Variants in CLVS1 observed in about 807,000 individuals in gnomAD.
CLVS1 encodes clavesin 1.
A neutral mutation model predicts 33.1 loss-of-function variants in CLVS1; 10 were observed. The ratio of observed to expected loss-of-function variants is 0.30; its 90% CI spans 0.19 to 0.51. The LOEUF (loss-of-function observed/expected upper bound fraction) is 0.51, where lower values mean the gene tolerates loss of function less well. Among genes scored for constraint, CLVS1 ranks in the 20% least tolerant of loss-of-function variants. The probability of loss-of-function intolerance (pLI) is 0.97; values close to 1 mark genes in which losing one functional copy is unlikely to be tolerated. For synonymous variants in CLVS1, 163 were observed against 166.1 expected (o/e 0.98, Z 0.14); for missense variants, 343 against 433.4 (o/e 0.79, Z 1.85).
chr8:61,176,771 G>A (rs1205742526), intron 2 of CLVS1, among the ~76,000 whole-genome samples: 1 of 152,278 alleles, frequency 6.6e-6, no homozygotes, highest in East Asian at 1.9e-4. Context: ...GAGGTGATAA[G>A]TTAGCTTGCT....
At chr8:61,289,267 C>G (rs1809889150) in intron 1 of CLVS1, among the ~76,000 whole-genome samples, 1 of 152,200 alleles carries the variant, frequency 6.6e-6, no homozygotes, top group Non-Finnish European at 1.5e-5. Context: ...TTATGTAACT[C>G]CATTCTGCCA....
intron 1 of CLVS1, among the ~76,000 whole-genome samples, chr8:61,075,271 A>T (rs554581729): frequency 6.6e-6 from 1 of 152,280 alleles, no homozygotes; most frequent in South Asian, 2.1e-4. Flanking sequence ...TTCTCCCCAG[A>T]GGCCATTCAT....
intron 2 of CLVS1, among the ~76,000 whole-genome samples, chr8:61,326,021 T>C (rs1811370622): frequency 6.6e-6 from 1 of 152,196 alleles, no homozygotes; most frequent in Admixed American, 6.6e-5. Context: ...TACCACCACT[T>C]CATGACACGA....
At chr8:61,421,895 G>C (rs997326550) in intron 3 of CLVS1, among the ~76,000 whole-genome samples, 1 of 152,128 alleles carries the variant, frequency 6.6e-6, no homozygotes, top group African/African-American at 2.4e-5. Flanking sequence ...AGCTAAAGCA[G>C]ACTCCTTCAT....
At chr8:61,265,406 G>A (rs552926879) in intron 2 of CLVS1, among the ~76,000 whole-genome samples, 12 of 152,076 alleles carry the variant, frequency 7.9e-5, no homozygotes, top group African/African-American at 2.9e-4. Flanking sequence ...ACTATAAATG[G>A]GCATAATCTA....
intron 2 of CLVS1, among the ~76,000 whole-genome samples, chr8:61,264,154 G>A (rs2129592362): frequency 6.6e-6 from 1 of 152,184 alleles, no homozygotes; most frequent in South Asian, 2.1e-4. Context: ...TTGAGCCTCT[G>A]ACATTAGCTG....
chr8:61,181,937 G>A (rs1026710342), intron 2 of CLVS1, among the ~76,000 whole-genome samples: 7 of 151,922 alleles, frequency 4.6e-5, no homozygotes, highest in Non-Finnish European at 1.0e-4. Context: ...TCCTGACCTC[G>A]TGATCCACCC....
chr8:61,072,169 T>G (rs1804808345), intron 1 of CLVS1, among the ~76,000 whole-genome samples: 1 of 152,172 alleles, frequency 6.6e-6, no homozygotes, highest in African/African-American at 2.4e-5. Flanking sequence ...CTTTCCTGGC[T>G]CCTCCTTTGC....
intron 1 of CLVS1, among the ~76,000 whole-genome samples, chr8:61,127,228 T>C (rs7830831): frequency 0.18 from 27,031 of 151,778 alleles, 2,624 homozygotes; most frequent in African/African-American, 0.22. Flanking sequence ...TTTTTTTTTT[T>C]TTTGAGATGG....
chr8:60,991,629 A>G, the CLVS1 span, among the ~76,000 whole-genome samples: 2,811 of 152,012 alleles, frequency 0.018, 104 homozygotes, highest in African/African-American at 0.063. Flanking sequence ...GAGCTCCCCA[A>G]TGCTGGACTC....
At chr8:61,040,315 G>T in the CLVS1 span, among the ~76,000 whole-genome samples, 1 of 152,290 alleles carries the variant, frequency 6.6e-6, no homozygotes, top group African/African-American at 2.4e-5. Flanking sequence ...ATTCATGCAT[G>T]TGTAGAACAA....
intron 2 of CLVS1, among the ~76,000 whole-genome samples, chr8:61,245,872 G>A (rs1441218422): frequency 6.6e-6 from 1 of 151,940 alleles, no homozygotes; most frequent in Non-Finnish European, 1.5e-5. Flanking sequence ...GGGCTCAAGG[G>A]ATCCTCCCTT....
At chr8:61,197,006 T>C (rs1290223560) in intron 2 of CLVS1, among the ~76,000 whole-genome samples, 4 of 152,198 alleles carry the variant, frequency 2.6e-5, no homozygotes, top group African/African-American at 9.6e-5. Flanking sequence ...GCTTCATCCA[T>C]GTAGACAGCA....
At chr8:61,486,802 T>C (rs1586047501) in intron 5 of CLVS1, among the ~76,000 whole-genome samples, 2 of 152,272 alleles carry the variant, frequency 1.3e-5, no homozygotes, top group Non-Finnish European at 2.9e-5. Flanking sequence ...CACTTACCCT[T>C]TCCAAAATTT....
chr8:61,325,596 T>G (rs1198634101), intron 2 of CLVS1, among the ~76,000 whole-genome samples: 1 of 152,188 alleles, frequency 6.6e-6, no homozygotes, highest in African/African-American at 2.4e-5. Context: ...TTTAGGTGGA[T>G]AGCTGCTGTG....
At chr8:61,241,383 T>A (rs1808695135) in intron 2 of CLVS1, among the ~76,000 whole-genome samples, 1 of 152,118 alleles carries the variant, frequency 6.6e-6, no homozygotes, top group Admixed American at 6.6e-5. Flanking sequence ...ATAAGTCAAG[T>A]TTGTCATAAT....
intron 5 of CLVS1, among the ~76,000 whole-genome samples, chr8:61,476,782 C>T (rs1817952569): frequency 6.6e-6 from 1 of 152,082 alleles, no homozygotes; most frequent in Admixed American, 6.6e-5. Context: ...AATTGAATAC[C>T]CTTTATTTTC....
At chr8:61,447,827 TCTTC>T (rs1312263500) in intron 3 of CLVS1, among the ~76,000 whole-genome samples, 2 of 152,134 alleles carry the variant, frequency 1.3e-5, no homozygotes, top group Admixed American at 6.5e-5. Context: ...CTTACTGTAT[TCTTC>T]CTTCCTGATG....
At chr8:61,322,270 G>T (rs1254121679) in intron 2 of CLVS1, among the ~76,000 whole-genome samples, 2 of 152,148 alleles carry the variant, frequency 1.3e-5, no homozygotes, top group East Asian at 3.8e-4. Flanking sequence ...ATTCATTACA[G>T]GCATGTAGAA....
Sources: gnomAD v4.1 joint callset for allele counts (sites outside exome capture counted in the v4.1 genomes callset) on GRCh38, gnomAD v4.1.1 for gene constraint, MANE v1.5 for transcripts, NCBI Gene and HGNC (gene_info 2026-07-23, HGNC 2026-07-21) for gene names.